The following COL5A2 variants were observed in gnomAD, a reference collection of about 807,000 sequenced individuals.
The protein encoded by COL5A2 is collagen type V alpha 2 chain, also known as collagen alpha-2(V) chain.
Under a neutral mutation model 208.2 loss-of-function variants are expected in COL5A2, and 23 were observed. The observed-to-expected ratio is 0.11, with a 90% CI of 0.08 to 0.16. The LOEUF (loss-of-function observed/expected upper bound fraction) is 0.16, where lower values mean the gene tolerates loss of function less well. COL5A2 is among the 10% of genes least tolerant of loss of function. The pLI, the probability that COL5A2 is intolerant of heterozygous loss-of-function variation, is 1.00. For synonymous variants in COL5A2, 625 were observed against 628.5 expected, an observed-to-expected ratio of 0.99 and a Z score of 0.08; for missense variants, 1,590 against 1,956.4, an observed-to-expected ratio of 0.81 and a Z score of 3.53.
the COL5A2 span, among the ~76,000 whole-genome samples, chr2:189,329,784 T>C: frequency 1.3e-5 from 2 of 152,168 alleles, no homozygotes; most frequent in Non-Finnish European, 2.9e-5. Flanking sequence ...AGAAATAAAA[T>C]ATCTTTCAAA....
chr2:189,270,122 C>A, the COL5A2 span, among the ~76,000 whole-genome samples: 2 of 152,070 alleles, frequency 1.3e-5, no homozygotes, highest in Admixed American at 1.3e-4. Context: ...ATTCTTCTCC[C>A]TTTTCTTCTT....
In COL5A2 at chr2:189,053,968, T is replaced by A; in HGVS notation, c.2446-20A>T. The A allele has an allele frequency of 6.2e-7, 1 of 1,612,642 alleles. No individual in the cohort carries two copies. Among genetic ancestry groups the A allele is most frequent in the Non-Finnish European group, 8.5e-7 (1 of 1,178,886 alleles). Reference sequence around the variant, plus strand: ...TTCACCCTAGAAAGCAGATTTTAGATGGTTACTGTCCAAAACAGTAGCTAA... The same window carrying A: ...TTCACCCTAGAAAGCAGATTTTAGAAGGTTACTGTCCAAAACAGTAGCTAA... On this transcript the variant is annotated intron_variant, in intron 36 of 53. Transcript: ENST00000374866.
chr2:189,171,052 GA>G, intron 1 of COL5A2, among the ~76,000 whole-genome samples: 1 of 152,236 alleles, frequency 6.6e-6, no homozygotes, highest in Non-Finnish European at 1.5e-5. Flanking sequence ...ACTAATGAGA[GA>G]ATGTCAGTTC....
At chr2:189,251,131 T>C in the COL5A2 span, among the ~76,000 whole-genome samples, 3 of 152,160 alleles carry the variant, frequency 2.0e-5, no homozygotes, top group Non-Finnish European at 4.4e-5. Flanking sequence ...GGGGCATGGC[T>C]CTACACAATA....
the COL5A2 span, among the ~76,000 whole-genome samples, chr2:189,248,058 T>C: frequency 4.6e-5 from 7 of 152,218 alleles, no homozygotes; most frequent in African/African-American, 1.7e-4. Context: ...ATACCCAAAA[T>C]AGTTTAAGCT....
In COL5A2 at chr2:189,045,135, T is replaced by C. The variant is rs755004705; in HGVS notation, c.3363+44A>G. ...ATTATACTTCTTTGGGAGTATATTT[T>C]ATATAAGAAAACATTTTTTAAAAAA... On this transcript the variant is annotated intron_variant, in intron 47 of 53. Coordinates refer to ENST00000374866, the MANE Select transcript of COL5A2 (RefSeq NM_000393.5). 4.3e-6 allele frequency: 6 copies of C among 1,405,264 alleles called. No homozygotes were observed. The Admixed American group carries it at 1.1e-4, about 26-fold the overall frequency. 87.0% of individuals were successfully genotyped at this position (1,405,264 alleles called of 1,614,324 possible).
At position 189,143,269 on chromosome 2, in the gene COL5A2, A is replaced by G. The variant is rs150052564; in HGVS notation, c.98-32820T>C. ...ACTATGAACCCTAGCTTGGGGCTGT[A>G]TCTACTGGAAGAAGGAATGCCTTTT... On this transcript the variant is annotated intron_variant, in intron 1 of 53. Transcript: ENST00000374866. Among the ~76,000 whole-genome samples the G allele has an allele frequency of 2.5e-3, 374 of 152,288 alleles. 1 individual carries two copies. The highest frequency in any genetic ancestry group is 8.7e-3 in the African/African-American group (361 of 41,562).
the COL5A2 span, among the ~76,000 whole-genome samples, chr2:189,368,657 G>C: frequency 6.6e-6 from 1 of 152,136 alleles, no homozygotes; most frequent in East Asian, 1.9e-4. Context: ...GTTAACTGTA[G>C]TATTAACATA....
At chr2:189,227,761 T>C (rs765782268), upstream of COL5A2, among the ~76,000 whole-genome samples, 6 of 151,830 alleles carry the variant, frequency 4.0e-5, 1 homozygote, top group Non-Finnish European at 8.8e-5. Context: ...CAATATAAAG[T>C]AGGAAACTTC....
At chr2:189,307,397 T>C in the COL5A2 span, among the ~76,000 whole-genome samples, 1 of 152,056 alleles carries the variant, frequency 6.6e-6, no homozygotes, top group Non-Finnish European at 1.5e-5. Context: ...GAATAGCACA[T>C]TATAAGGAGG....
Position 189,048,202 on chromosome 2 carries a change from C to T in COL5A2, c.3201+7G>A, listed in dbSNP as rs754517634. The T allele has an allele frequency of 6.2e-7, 1 of 1,612,872 alleles. No individual in the cohort carries two copies. The highest frequency in any genetic ancestry group is 1.7e-5 in the Admixed American group (1 of 60,014). Reference sequence around the variant, plus strand: ...TTAGATTTTATAATAAGTGAAATGGCTCTTACACGTTCTCCAACAGCACCA... The same window carrying T: ...TTAGATTTTATAATAAGTGAAATGGTTCTTACACGTTCTCCAACAGCACCA... On this transcript the variant is annotated splice_region_variant and intron_variant, in intron 45 of 53. Transcript: ENST00000374866.
chr2:189,066,829 G>C, intron 21 of COL5A2, 47 bp from the exon 22 acceptor site: 1 of 1,417,718 alleles, frequency 7.1e-7, no homozygotes, highest in Non-Finnish European at 1.0e-6. Flanking sequence ...CATTTAGCTA[G>C]TCCAATCTGC....
the COL5A2 span, among the ~76,000 whole-genome samples, chr2:189,332,460 G>T: frequency 0.85 from 129,960 of 152,236 alleles, 56,654 homozygotes; most frequent in Non-Finnish European, 0.95. Context: ...CAACCAAATC[G>T]CATCTTGAAT....
At chr2:189,297,508 T>A in the COL5A2 span, among the ~76,000 whole-genome samples, 2 of 152,172 alleles carry the variant, frequency 1.3e-5, no homozygotes, top group African/African-American at 4.8e-5. Context: ...TTTTTTAATT[T>A]AAAAATTGAT....
At chr2:189,259,118 C>T in the COL5A2 span, among the ~76,000 whole-genome samples, 1 of 152,132 alleles carries the variant, frequency 6.6e-6, no homozygotes, top group Non-Finnish European at 1.5e-5. Flanking sequence ...AGAAGTCAAT[C>T]GTGACTTTCA....
the COL5A2 span, among the ~76,000 whole-genome samples, chr2:189,404,251 T>A: frequency 6.6e-6 from 1 of 152,090 alleles, no homozygotes; most frequent in Non-Finnish European, 1.5e-5. Context: ...AGAGATTAAG[T>A]AAAGAAGATC....
intron 1 of COL5A2, among the ~76,000 whole-genome samples, chr2:189,219,615 TA>T (rs1254777472): frequency 6.6e-6 from 1 of 152,154 alleles, no homozygotes; most frequent in Non-Finnish European, 1.5e-5. Flanking sequence ...ATAACTTAGG[TA>T]AGATAGAATT....
chr2:189,355,454 C>A, the COL5A2 span, among the ~76,000 whole-genome samples: 1 of 152,086 alleles, frequency 6.6e-6, no homozygotes, highest in Non-Finnish European at 1.5e-5. Context: ...CTTTATGAGT[C>A]TGGGTGCTCC....
At chr2:189,357,087 T>C in the COL5A2 span, among the ~76,000 whole-genome samples, 3 of 152,288 alleles carry the variant, frequency 2.0e-5, no homozygotes, top group East Asian at 3.9e-4. Context: ...GAGATTGCTA[T>C]CTGTTCCTTC....
Sources: allele counts gnomAD v4.1 joint callset (sites outside exome capture counted in the v4.1 genomes callset), GRCh38; gene constraint gnomAD v4.1.1; transcripts MANE v1.5; gene names NCBI Gene and HGNC (gene_info 2026-07-23, HGNC 2026-07-21).